NR1H4: variants seen among roughly 807,000 people sequenced by gnomAD.
NR1H4 encodes bile acid receptor.
In NR1H4, 23 loss-of-function variants were observed where a neutral mutation model predicts 58.5. That is an observed-to-expected ratio of 0.39 (90% CI 0.28 to 0.56). The LOEUF (loss-of-function observed/expected upper bound fraction) is 0.56, where lower values mean the gene tolerates loss of function less well. Ranked by LOEUF, NR1H4 falls within the 20% of genes least tolerant of loss-of-function variation. The pLI, the probability that NR1H4 is intolerant of heterozygous loss-of-function variation, is 0.58. For missense variants in NR1H4, 487 were observed against 576.9 expected (o/e 0.84, Z 1.60); for synonymous variants, 214 against 198.0 (o/e 1.08, Z -0.68).
chr12:100,542,988 C>T (rs2136262893), intron 9 of NR1H4, among the ~76,000 whole-genome samples: 2 of 152,226 alleles, frequency 1.3e-5, no homozygotes, highest in Middle Eastern at 6.8e-3. Flanking sequence ...AAGAGATTAA[C>T]TGTCCATGAT....
intron 3 of NR1H4, among the ~76,000 whole-genome samples, chr12:100,500,390 C>T (rs554488911): frequency 9.2e-5 from 14 of 152,254 alleles, no homozygotes; most frequent in South Asian, 4.1e-4. Flanking sequence ...AATACTCTGC[C>T]GAACAGTGCC....
At chr12:100,510,738 T>C (rs1319360757) in intron 3 of NR1H4, 40 bp from the exon 4 acceptor site, 2 of 1,612,802 alleles carry the variant, frequency 1.2e-6, no homozygotes, top group African/African-American at 2.7e-5. Flanking sequence ...ATTTCCAGAA[T>C]GATGACATTC....
At chr12:100,529,935 T>A (rs1954652279) in intron 4 of NR1H4, among the ~76,000 whole-genome samples, 2 of 152,230 alleles carry the variant, frequency 1.3e-5, no homozygotes, top group Admixed American at 6.5e-5. Context: ...CTGCCTCTCC[T>A]CCTTAAATGT....
chr12:100,502,031 C>T (rs908503521), intron 3 of NR1H4, among the ~76,000 whole-genome samples: 1 of 152,144 alleles, frequency 6.6e-6, no homozygotes, highest in Non-Finnish European at 1.5e-5. Context: ...ACCCAAGGTA[C>T]AACATGAGTC....
intron 9 of NR1H4, among the ~76,000 whole-genome samples, chr12:100,553,518 G>A (rs1955254562): frequency 6.6e-6 from 1 of 152,132 alleles, no homozygotes; most frequent in Non-Finnish European, 1.5e-5. Context: ...TGTATTTCAG[G>A]AAAAAGCATG....
In NR1H4 at chr12:100,540,469, C is replaced by T. The variant is rs114606607; in HGVS notation, c.932-203C>T. Among the ~76,000 whole-genome samples, 730 of 152,258 alleles carry T rather than the reference C, an allele frequency of 4.8e-3. 5 individuals are homozygous for T. The highest frequency in any genetic ancestry group is 0.016 in the African/African-American group (657 of 41,542). On this transcript the variant is annotated intron_variant, in intron 8 of 10. Transcript: ENST00000392986. ...TGTATCTACTTGGACTTGACATCTC[C>T]CTTTGCCCAGCTTGTTTAATAAATT...
At chr12:100,508,925 C>T (rs995477812) in intron 3 of NR1H4, among the ~76,000 whole-genome samples, 24 of 152,216 alleles carry the variant, frequency 1.6e-4, no homozygotes, top group East Asian at 9.7e-4. Context: ...AATATTCATA[C>T]GTTTCCCTGT....
chr12:100,513,918 TAAAC>T (rs1954197220), intron 4 of NR1H4, among the ~76,000 whole-genome samples: 1 of 151,950 alleles, frequency 6.6e-6, no homozygotes, highest in Admixed American at 6.6e-5. Flanking sequence ...GGAATTAAAA[TAAAC>T]AAAAATAAAA....
At chr12:100,560,189 A>C (rs1348304434) in intron 9 of NR1H4, among the ~76,000 whole-genome samples, 1 of 152,218 alleles carries the variant, frequency 6.6e-6, no homozygotes, top group Admixed American at 6.5e-5. Flanking sequence ...TAAATGTACC[A>C]ATCAGCGCCC....
chr12:100,519,035 G>A lies in NR1H4; in HGVS notation c.445+7892G>A, dbSNP rs186777066. On this transcript the variant is annotated intron_variant, in intron 4 of 10. Coordinates refer to ENST00000392986, the MANE Select transcript of NR1H4 (RefSeq NM_001206979.2). ...AGTCCTGACCTCAAGTGATCCACCCGTCTCAGCCTTCCAAAGTGCTGCGGT... is the reference window on the plus strand; with the variant it reads ...AGTCCTGACCTCAAGTGATCCACCCATCTCAGCCTTCCAAAGTGCTGCGGT... Among the ~76,000 whole-genome samples the A allele has an allele frequency of 5.9e-5, 9 of 152,090 alleles. No homozygotes were observed. The East Asian group carries it at 9.7e-4, about 16-fold the overall frequency.
intron 4 of NR1H4, among the ~76,000 whole-genome samples, chr12:100,520,283 T>C (rs1292765173): frequency 6.6e-6 from 1 of 152,120 alleles, no homozygotes; most frequent in Non-Finnish European, 1.5e-5. Flanking sequence ...ACTTCTTGGC[T>C]GAATAAACAA....
chr12:100,516,845 C>T (rs888565238), intron 4 of NR1H4, among the ~76,000 whole-genome samples: 1 of 152,138 alleles, frequency 6.6e-6, no homozygotes, highest in Non-Finnish European at 1.5e-5. Context: ...GTTTACTATA[C>T]TTTAGTAATA....
At chr12:100,477,389 A>G (rs1953293760) in intron 1 of NR1H4, among the ~76,000 whole-genome samples, 1 of 152,106 alleles carries the variant, frequency 6.6e-6, no homozygotes, top group African/African-American at 2.4e-5. Context: ...TCATTTTTTA[A>G]TATAAAATCC....
intron 6 of NR1H4, among the ~76,000 whole-genome samples, chr12:100,536,027 TAAAATCCAA>T (rs1422824955): frequency 1.3e-5 from 2 of 152,230 alleles, no homozygotes; most frequent in African/African-American, 4.8e-5. Flanking sequence ...TAAAACTTTA[TAAAATCCAA>T]TGGATTTGGT....
intron 9 of NR1H4, among the ~76,000 whole-genome samples, chr12:100,559,029 T>C (rs1250597481): frequency 6.6e-6 from 1 of 152,226 alleles, no homozygotes; most frequent in African/African-American, 2.4e-5. Context: ...ACTATTACTA[T>C]TGTTATTGTG....
intron 1 of NR1H4, among the ~76,000 whole-genome samples, chr12:100,489,594 A>G (rs1189739249): frequency 1.3e-5 from 2 of 152,202 alleles, no homozygotes; most frequent in Non-Finnish European, 2.9e-5. Flanking sequence ...CTACACAAAA[A>G]CAGGCAGCCG....
At chr12:100,524,971 C>A (rs60840362) in intron 4 of NR1H4, among the ~76,000 whole-genome samples, 5,707 of 152,242 alleles carry the variant, frequency 0.037, 360 homozygotes, top group African/African-American at 0.13. Context: ...TGGCCAGCCC[C>A]TCCTCTTGTC....
At chr12:100,479,716 C>T (rs1953339571) in intron 1 of NR1H4, among the ~76,000 whole-genome samples, 1 of 152,256 alleles carries the variant, frequency 6.6e-6, no homozygotes, top group Non-Finnish European at 1.5e-5. Context: ...CCATGGCCAA[C>T]AGGCCATACA....
At chr12:100,524,510 G>T (rs1267246492) in intron 4 of NR1H4, among the ~76,000 whole-genome samples, 1 of 152,172 alleles carries the variant, frequency 6.6e-6, no homozygotes, top group African/African-American at 2.4e-5. Context: ...AGCACAGCTT[G>T]GCTGTCCTCA....
Sources: gnomAD v4.1 joint callset for allele counts (sites outside exome capture counted in the v4.1 genomes callset) on GRCh38, gnomAD v4.1.1 for gene constraint, MANE v1.5 for transcripts, NCBI Gene and HGNC (gene_info 2026-07-23, HGNC 2026-07-21) for gene names.